CLVS1: variants seen among roughly 807,000 people sequenced by gnomAD.
CLVS1 encodes the protein clavesin 1, also known as clavesin-1.
A neutral mutation model predicts 33.1 loss-of-function variants in CLVS1; 10 were observed. The ratio of observed to expected loss-of-function variants is 0.30; its 90% CI spans 0.19 to 0.51. CLVS1 has a LOEUF of 0.51. Ranked by LOEUF, CLVS1 falls within the 20% of genes least tolerant of loss-of-function variation. The pLI, the probability that CLVS1 is intolerant of heterozygous loss-of-function variation, is 0.97. For missense variants in CLVS1, 343 were observed against 433.4 expected (o/e 0.79, Z 1.85); for synonymous variants, 163 against 166.1 (o/e 0.98, Z 0.14).
At chr8:61,073,533 C>T (rs1332249961) in intron 1 of CLVS1, among the ~76,000 whole-genome samples, 2 of 152,172 alleles carry the variant, frequency 1.3e-5, no homozygotes, top group East Asian at 1.9e-4. Flanking sequence ...TTATTCTTTC[C>T]CCATTTGCAT....
intron 5 of CLVS1, among the ~76,000 whole-genome samples, chr8:61,498,308 T>A (rs1804339481): frequency 6.6e-6 from 1 of 152,066 alleles, no homozygotes; most frequent in Admixed American, 6.6e-5. Flanking sequence ...TATACAAAGA[T>A]CTCCTTATCA....
chr8:61,225,871 A>G (rs913606309), intron 2 of CLVS1, among the ~76,000 whole-genome samples: 9 of 152,176 alleles, frequency 5.9e-5, no homozygotes, highest in African/African-American at 1.9e-4. Flanking sequence ...GCTGTCATTA[A>G]TCCCCAGGTT....
At chr8:61,146,859 G>A (rs1015145234) in intron 2 of CLVS1, among the ~76,000 whole-genome samples, 9 of 152,198 alleles carry the variant, frequency 5.9e-5, no homozygotes, top group East Asian at 3.9e-4. Context: ...TGTATACAGC[G>A]TTTATGTCAT....
At chr8:61,055,111 T>G (rs1052254779), upstream of CLVS1, among the ~76,000 whole-genome samples, 1 of 152,332 alleles carries the variant, frequency 6.6e-6, no homozygotes. Context: ...CTCAAAAAAC[T>G]TCATTAAATG....
At chr8:61,273,276 G>A (rs866218122) in intron 2 of CLVS1, among the ~76,000 whole-genome samples, 1 of 152,116 alleles carries the variant, frequency 6.6e-6, no homozygotes, top group South Asian at 2.1e-4. Flanking sequence ...TGCCCCTGCT[G>A]GGGGGTGCCT....
At chr8:61,124,596 A>C (rs1805937958) in intron 1 of CLVS1, among the ~76,000 whole-genome samples, 1 of 152,124 alleles carries the variant, frequency 6.6e-6, no homozygotes, top group Non-Finnish European at 1.5e-5. Flanking sequence ...CAGACCCTTT[A>C]ATGAAAGCCC....
At chr8:61,328,627 C>T (rs770523193) in intron 2 of CLVS1, among the ~76,000 whole-genome samples, 1 of 152,114 alleles carries the variant, frequency 6.6e-6, no homozygotes, top group Non-Finnish European at 1.5e-5. Flanking sequence ...ATAAAGCCTG[C>T]TCCAGACAGA....
chr8:61,067,065 G>T (rs1214217398), intron 1 of CLVS1, among the ~76,000 whole-genome samples: 1 of 151,966 alleles, frequency 6.6e-6, no homozygotes. Flanking sequence ...GAAAGGAATG[G>T]GTCACGAGAA....
At chr8:61,227,935 G>A (rs1271643588) in intron 2 of CLVS1, among the ~76,000 whole-genome samples, 1 of 152,152 alleles carries the variant, frequency 6.6e-6, no homozygotes, top group African/African-American at 2.4e-5. Context: ...AGTGAAGCCT[G>A]GTGTGAAGAG....
At chr8:61,334,172 A>G (rs1452041942) in intron 2 of CLVS1, among the ~76,000 whole-genome samples, 1 of 152,176 alleles carries the variant, frequency 6.6e-6, no homozygotes, top group Non-Finnish European at 1.5e-5. Flanking sequence ...ACCGGGTGTG[A>G]GAAGTGGGAT....
rs1005937351 is a variant in CLVS1 at position 61,271,451 on chromosome 8, G to A, written c.-151-28226G>A. On this transcript the variant is annotated intron_variant, in intron 2 of 2. Transcript: ENST00000522621. Reference sequence around the variant, plus strand: ...TACTTCCAAGTATGTGGTCAATTTTGGAATAGGTGTGGTGTGGTGCTGAAA... The same window carrying A: ...TACTTCCAAGTATGTGGTCAATTTTAGAATAGGTGTGGTGTGGTGCTGAAA... Among the ~76,000 whole-genome samples the A allele has an allele frequency of 5.4e-5, 8 of 147,848 alleles. No homozygotes were observed. In the East Asian group the frequency reaches 8.0e-4, roughly 15 times the overall value.
intron 5 of CLVS1, among the ~76,000 whole-genome samples, chr8:61,463,297 C>T (rs2129607389): frequency 6.6e-6 from 1 of 152,284 alleles, no homozygotes; most frequent in Admixed American, 6.5e-5. Flanking sequence ...ACCTCTAAAA[C>T]TTTCTCCATA....
intron 5 of CLVS1, among the ~76,000 whole-genome samples, chr8:61,481,508 G>T (rs187384533): frequency 2.6e-5 from 4 of 152,300 alleles, no homozygotes; most frequent in Middle Eastern, 3.4e-3. Context: ...CTAATACTAC[G>T]CTTTTCCAAC....
At chr8:61,480,604 C>T (rs201262813) in intron 5 of CLVS1, among the ~76,000 whole-genome samples, 3 of 152,020 alleles carry the variant, frequency 2.0e-5, no homozygotes, top group South Asian at 2.1e-4. Context: ...ACCCACTGTC[C>T]GGCACTCCCC....
intron 2 of CLVS1, among the ~76,000 whole-genome samples, chr8:61,141,427 ATATT>A (rs769080527): frequency 6.6e-6 from 1 of 152,066 alleles, no homozygotes; most frequent in Non-Finnish European, 1.5e-5. Context: ...ATTTATTTCT[ATATT>A]TATCTGTAAG....
intron 3 of CLVS1, 109 bp from the exon 4 acceptor site, chr8:61,454,032 C>A: frequency 1.3e-6 from 1 of 766,772 alleles, no homozygotes. Context: ...GAAGCTAGAG[C>A]TTCTACCAGG....
Position 61,300,351 on chromosome 8 carries a change from G to A in CLVS1, c.455+69G>A, listed in dbSNP as rs1281192981. The stretch of plus-strand genomic sequence containing the variant: ...GCATTATCACTGCATGTTTGGGGTT[G>A]TATGGCTTTATATGTAATGGGCTTT... On this transcript the variant is annotated intron_variant, in intron 2 of 5. Transcript: ENST00000325897. 11 of 1,331,218 alleles carry A rather than the reference G, an allele frequency of 8.3e-6. No homozygotes were observed. The African/African-American group carries it at 1.2e-4, about 14-fold the overall frequency. The allele number at this position is 1,331,218 out of a possible 1,614,324, so 82.5% of individuals were successfully genotyped here. A position where few individuals can be genotyped will look rare whatever the true frequency, so the allele number is the denominator to read the frequency against.
At chr8:61,188,259 G>A (rs1025129640) in intron 2 of CLVS1, among the ~76,000 whole-genome samples, 1 of 152,082 alleles carries the variant, frequency 6.6e-6, no homozygotes, top group Non-Finnish European at 1.5e-5. Flanking sequence ...TTTAAATTAA[G>A]TTGTTCCTGA....
chr8:61,463,566 A>T (rs144759839), intron 5 of CLVS1, among the ~76,000 whole-genome samples: 2 of 152,194 alleles, frequency 1.3e-5, no homozygotes, highest in Non-Finnish European at 2.9e-5. Context: ...TAGTTGCAAT[A>T]CTGTTGTGTC....
Sources: gnomAD v4.1 joint callset for allele counts (sites outside exome capture counted in the v4.1 genomes callset) on GRCh38, gnomAD v4.1.1 for gene constraint, MANE v1.5 for transcripts, NCBI Gene and HGNC (gene_info 2026-07-23, HGNC 2026-07-21) for gene names.